PACS1: variants seen among roughly 807,000 people sequenced by gnomAD.
PACS1 encodes PACS-1.
A neutral mutation model predicts 115.0 loss-of-function variants in PACS1; 24 were observed. The ratio of observed to expected loss-of-function variants is 0.21; its 90% confidence interval spans 0.15 to 0.29. The LOEUF is 0.29. Ranked by LOEUF, PACS1 falls within the 10% of genes least tolerant of loss-of-function variation. PACS1 has a pLI of 1.00. For synonymous variants in PACS1, 453 were observed against 504.5 expected (o/e 0.90, Z 1.37); for missense variants, 838 against 1,251.2 (o/e 0.67, Z 4.98).
chr11:66,206,916 T>C (rs1344844063), intron 2 of PACS1, among the ~76,000 whole-genome samples: 1 of 152,198 alleles, frequency 6.6e-6, no homozygotes, highest in African/African-American at 2.4e-5. Context: ...TAAGCACTGA[T>C]TACTTTTTTC....
chr11:66,197,220 C>T (rs114468937), intron 2 of PACS1, among the ~76,000 whole-genome samples: 1 of 152,004 alleles, frequency 6.6e-6, no homozygotes, highest in East Asian at 1.9e-4. Context: ...CCTGTATACC[C>T]CACCCAGCTT....
intron 1 of PACS1, among the ~76,000 whole-genome samples, chr11:66,174,305 C>T (rs1859803338): frequency 6.6e-6 from 1 of 151,926 alleles, no homozygotes. Context: ...AAACAAGAAC[C>T]CTCATACATT....
At chr11:66,144,976 A>G (rs1231784868) in intron 1 of PACS1, among the ~76,000 whole-genome samples, 3 of 152,194 alleles carry the variant, frequency 2.0e-5, no homozygotes, top group Non-Finnish European at 4.4e-5. Flanking sequence ...CTTACAGTGC[A>G]CTTTTATGTC....
At chr11:66,176,318 G>A (rs1480775706) in intron 1 of PACS1, among the ~76,000 whole-genome samples, 1 of 152,116 alleles carries the variant, frequency 6.6e-6, no homozygotes, top group Non-Finnish European at 1.5e-5. Flanking sequence ...TCACTTATGT[G>A]AGAACATGCA....
chr11:66,241,430 C>G lies in PACS1; in HGVS notation c.2433C>G (p.Ser811Arg). ...CCTCTTTGTTCCCTTTCCTCAGGAG[C>G]CCTAATAGCCCATATGGGGACGTGA... ...SMSSALAIVG[S>R]PNSPYGDVIG... The change falls in exon 22 of 24, where the codon AGC (serine) becomes AGG (arginine). Residue 811 changes from serine (S) to arginine (R), a missense_variant. By Grantham distance (110) the Ser-to-Arg change is moderately radical. This residue lies in a region of PACS1 where 383 missense variants were observed against 537.0 expected (regional missense o/e 0.71). Transcript: ENST00000320580. 6.3e-7 allele frequency: 1 copy of G among 1,585,982 alleles called. No individual in the cohort carries two copies. The highest frequency in any genetic ancestry group is 1.8e-5 in the Admixed American group (1 of 55,048).
intron 10 of PACS1, among the ~76,000 whole-genome samples, chr11:66,225,335 G>A (rs576147112): frequency 6.6e-6 from 1 of 152,260 alleles, no homozygotes; most frequent in East Asian, 1.9e-4. Flanking sequence ...GACACAGCTG[G>A]AGTCCTGCTG....
At chr11:66,182,603 T>C (rs7937281) in intron 1 of PACS1, among the ~76,000 whole-genome samples, 36,716 of 151,946 alleles carry the variant, frequency 0.24, 4,860 homozygotes, top group East Asian at 0.44. Flanking sequence ...GCTGGAACTA[T>C]AGGCATGTAG....
rs117499535 is a variant in PACS1 at position 66,144,479 on chromosome 11, G to A, written c.357-49007G>A. Among the ~76,000 whole-genome samples, 232 of 152,288 alleles carry A rather than the reference G, an allele frequency of 1.5e-3. 1 individual carries two copies. The highest frequency in any genetic ancestry group is 2.4e-3 in the Non-Finnish European group (166 of 68,018). On this transcript the variant is annotated intron_variant, in intron 1 of 23. Transcript: ENST00000320580. Reference sequence around the variant, plus strand: ...AGAATGAAGGTAAAACTTGCTCCAGGTGCTTAGATAAGACTTGAAGGAAAC... The same window carrying A: ...AGAATGAAGGTAAAACTTGCTCCAGATGCTTAGATAAGACTTGAAGGAAAC...
chr11:66,233,854 CT>C lies in PACS1; in HGVS notation c.1909del (p.Ser637ProfsTer74). ...CTGTGGGAGGCCAGAGCTACCTGAGCTCCATCCTCAGGTTCTTTGTCAAGTC... is the reference window on the plus strand; with the variant it reads ...CTGTGGGAGGCCAGAGCTACCTGAGCCCATCCTCAGGTTCTTTGTCAAGTC... ...AAVGGQSYLS[S>X]ILRFFVKSLA... On this transcript the variant is annotated frameshift_variant, in exon 16 of 24. Transcript: ENST00000320580. LOFTEE classifies it high-confidence loss of function. This position sits in a 1 kb window ranked among gnomAD's most constrained non-coding sequence, Gnocchi z 4.5. The C allele has an allele frequency of 6.2e-7, 1 of 1,611,318 alleles. No homozygotes were observed. The highest frequency in any genetic ancestry group is 8.5e-7 in the Non-Finnish European group (1 of 1,178,456).
intron 1 of PACS1, among the ~76,000 whole-genome samples, chr11:66,072,138 G>T (rs1162141666): frequency 6.6e-6 from 1 of 151,938 alleles, no homozygotes; most frequent in Non-Finnish European, 1.5e-5. Context: ...TGTGTACATG[G>T]TGTCATCCTG....
Position 66,227,558 on chromosome 11 carries a change from G to A in PACS1, c.1348G>A (p.Asp450Asn). The A allele has an allele frequency of 6.2e-7, 1 of 1,611,040 alleles. No homozygotes were observed. The highest frequency in any genetic ancestry group is 8.5e-7 in the Non-Finnish European group (1 of 1,178,040). Reference protein sequence around the residue: ...IKSTWIKNQDDSLTETDTLEI... With the variant: ...IKSTWIKNQDNSLTETDTLEI... ...ATCTACTTGGATTAAAAACCAAGAT[G>A]ACAGCTTGACTGAAACAGACACTCT... Residue 450 changes from aspartate (D) to asparagine (N), a missense_variant, in exon 11 of 24, where the codon GAC becomes AAC. This residue lies in a region of PACS1 where 383 missense variants were observed against 537.0 expected (regional missense o/e 0.71). Coordinates refer to ENST00000320580, the MANE Select transcript of PACS1 (RefSeq NM_018026.4).
intron 2 of PACS1, among the ~76,000 whole-genome samples, chr11:66,203,363 A>T (rs1854860457): frequency 6.6e-6 from 1 of 152,210 alleles, no homozygotes; most frequent in African/African-American, 2.4e-5. Flanking sequence ...GACACACAAA[A>T]AATGGAAAGA....
At chr11:66,242,363 C>T (rs1403539473) in intron 22 of PACS1, among the ~76,000 whole-genome samples, 1 of 152,152 alleles carries the variant, frequency 6.6e-6, no homozygotes, top group East Asian at 1.9e-4. Context: ...CTGCAGAGTT[C>T]CCCTGGGGGG....
At chr11:66,209,466 C>G (rs747281379) in intron 2 of PACS1, among the ~76,000 whole-genome samples, 1 of 152,160 alleles carries the variant, frequency 6.6e-6, no homozygotes, top group Non-Finnish European at 1.5e-5. Context: ...GCCTCTTCCC[C>G]AGGAGTGCTG....
intron 2 of PACS1, among the ~76,000 whole-genome samples, chr11:66,209,693 T>G (rs1266428671): frequency 1.3e-5 from 2 of 152,094 alleles, no homozygotes; most frequent in African/African-American, 2.4e-5. Context: ...GCTGATCATC[T>G]GAGGTCAGGA....
chr11:66,197,263 A>G (rs1259650423), intron 2 of PACS1, among the ~76,000 whole-genome samples: 5 of 152,198 alleles, frequency 3.3e-5, no homozygotes, highest in Admixed American at 3.3e-4. Flanking sequence ...TAACCATGGT[A>G]CATTTATCAA....
intron 1 of PACS1, among the ~76,000 whole-genome samples, chr11:66,136,564 CTT>C (rs1212909487): frequency 6.6e-6 from 1 of 152,044 alleles, no homozygotes; most frequent in East Asian, 1.9e-4. Context: ...CGGATGTAGT[CTT>C]TGAATAGAAT....
intron 1 of PACS1, among the ~76,000 whole-genome samples, chr11:66,123,553 G>A (rs1273570929): frequency 1.3e-5 from 2 of 150,586 alleles, no homozygotes; most frequent in African/African-American, 2.4e-5. Context: ...ACAGAGTTTC[G>A]CTCTGTCGCC....
chr11:66,078,597 T>C (rs565731466), intron 1 of PACS1, among the ~76,000 whole-genome samples: 1 of 152,370 alleles, frequency 6.6e-6, no homozygotes, highest in East Asian at 1.9e-4. Context: ...TTGCCCAAAC[T>C]GGAATGCAGT....
Sources: allele counts gnomAD v4.1 joint callset (sites outside exome capture counted in the v4.1 genomes callset), GRCh38; gene constraint gnomAD v4.1.1; regional missense constraint gnomAD v4.1.1; non-coding constraint Gnocchi (gnomAD v3.1); transcripts MANE v1.5; gene names NCBI Gene and HGNC (gene_info 2026-07-23, HGNC 2026-07-21).